MED13L: variants seen among roughly 807,000 people sequenced by gnomAD.
The protein encoded by MED13L is mediator complex subunit 13L.
MED13L carries 7 observed loss-of-function variants against 220.9 expected under a neutral mutation model. That is an observed-to-expected ratio of 0.03 (90% confidence interval 0.02 to 0.06). The LOEUF (loss-of-function observed/expected upper bound fraction) is 0.06. Among genes scored for constraint, MED13L ranks in the 10% least tolerant of loss-of-function variants. MED13L has a pLI of 1.00. For missense variants in MED13L, 1,965 were observed against 2,760.5 expected, an observed-to-expected ratio of 0.71 and a Z score of 6.46; for synonymous variants, 1,011 against 1,015.2, an observed-to-expected ratio of 1.00 and a Z score of 0.08.
At chr12:116,003,346 C>A (rs1471337683) in intron 13 of MED13L, among the ~76,000 whole-genome samples, 1 of 152,154 alleles carries the variant, frequency 6.6e-6, no homozygotes, top group East Asian at 1.9e-4. Context: ...GGAGAGCTTG[C>A]AGACCTTAAG....
chr12:116,271,064 AAAAG>A (rs1166774866), intron 1 of MED13L, among the ~76,000 whole-genome samples: 4 of 150,388 alleles, frequency 2.7e-5, no homozygotes, highest in Admixed American at 6.6e-5. Flanking sequence ...AAAAAAAAAA[AAAAG>A]AAAGAAAATT....
intron 4 of MED13L, among the ~76,000 whole-genome samples, chr12:116,031,521 G>A (rs933654018): frequency 4.0e-5 from 6 of 149,804 alleles, no homozygotes; most frequent in African/African-American, 2.5e-5. Flanking sequence ...GAACACAGGA[G>A]GTGGAGCTTG....
intron 4 of MED13L, among the ~76,000 whole-genome samples, chr12:116,062,974 C>T (rs1869629975): frequency 6.6e-6 from 1 of 152,234 alleles, no homozygotes; most frequent in African/African-American, 2.4e-5. Context: ...TTCCAAAATA[C>T]TGGCTCTTCC....
intron 2 of MED13L, among the ~76,000 whole-genome samples, chr12:116,221,318 G>A (rs545088807): frequency 1.4e-4 from 21 of 150,946 alleles, no homozygotes; most frequent in African/African-American, 5.1e-4. Context: ...AGATTGCAGT[G>A]AGCTGTGATC....
rs1213926938 is a variant in MED13L, at chr12:116,237,618, C to T, written c.160G>A (p.Asp54Asn). The change falls in exon 2 of 31, where the codon GAT becomes AAT. Residue 54 changes from aspartate (D) to asparagine (N), a missense_variant. By Grantham distance (23) the Asp-to-Asn change is conservative. Transcript: ENST00000281928. ...GPIISAPAQD[D>N]PILLSFIRCL... is the part of the protein sequence containing the mutation. ...CGGATGAAACTTAACAGAATTGGAT[C>T]ATCTTGGGCTGGGGCTGAAATTATG... 1 of 1,614,050 alleles carries T rather than the reference C, an allele frequency of 6.2e-7. No homozygotes were observed. Among genetic ancestry groups the T allele is most frequent in the Non-Finnish European group, 8.5e-7 (1 of 1,180,048 alleles).
intron 2 of MED13L, among the ~76,000 whole-genome samples, chr12:116,129,990 A>G (rs187263561): frequency 1.3e-5 from 2 of 152,294 alleles, no homozygotes; most frequent in Admixed American, 6.5e-5. Context: ...GTAGTCACCA[A>G]AACTTCAAAG....
At chr12:116,236,145 C>G (rs1355549879) in intron 2 of MED13L, among the ~76,000 whole-genome samples, 1 of 152,104 alleles carries the variant, frequency 6.6e-6, no homozygotes, top group Non-Finnish European at 1.5e-5. Flanking sequence ...AAGTTAACTG[C>G]TAACTACATA....
chr12:116,241,332 CAA>C (rs200027979), intron 1 of MED13L, among the ~76,000 whole-genome samples: 147 of 145,394 alleles, frequency 1.0e-3, no homozygotes, highest in African/African-American at 3.2e-3. Flanking sequence ...AACAAAAAAA[CAA>C]AAAAAAAACA....
At chr12:116,218,061 A>G (rs1394943018) in intron 2 of MED13L, among the ~76,000 whole-genome samples, 2 of 152,210 alleles carry the variant, frequency 1.3e-5, no homozygotes, top group Non-Finnish European at 2.9e-5. Context: ...TCCTCCAAGT[A>G]TAAGAGATTC....
At chr12:116,200,605 G>C (rs1354185128) in intron 2 of MED13L, among the ~76,000 whole-genome samples, 1 of 152,106 alleles carries the variant, frequency 6.6e-6, no homozygotes. Context: ...TCCTCAATGA[G>C]CCTACACCCC....
At chr12:116,117,535 T>C (rs1251637848) in intron 2 of MED13L, among the ~76,000 whole-genome samples, 2 of 152,126 alleles carry the variant, frequency 1.3e-5, no homozygotes, top group East Asian at 1.9e-4. Context: ...AATATGCTAA[T>C]ATTGACCTCT....
At chr12:116,236,516 A>C (rs535618967) in intron 2 of MED13L, among the ~76,000 whole-genome samples, 8 of 152,080 alleles carry the variant, frequency 5.3e-5, no homozygotes, top group African/African-American at 1.9e-4. Context: ...TAAAAAAAAA[A>C]AACATTAAAA....
chr12:115,986,164 C>T (rs2137285988), intron 19 of MED13L, 102 bp downstream of exon 19: 1 of 1,281,628 alleles, frequency 7.8e-7, no homozygotes, highest in East Asian at 2.4e-5. Context: ...CAAATTTTCT[C>T]TGAGATTTAC....
At chr12:116,213,114 G>T (rs1163679446) in intron 2 of MED13L, among the ~76,000 whole-genome samples, 2 of 151,610 alleles carry the variant, frequency 1.3e-5, no homozygotes, top group Admixed American at 1.3e-4. Flanking sequence ...ACGGCTTGAT[G>T]AACTTCTACA....
chr12:116,158,560 C>G (rs974239153), intron 2 of MED13L, among the ~76,000 whole-genome samples: 5 of 152,072 alleles, frequency 3.3e-5, no homozygotes, highest in Non-Finnish European at 7.4e-5. Flanking sequence ...CTCTAAGAAT[C>G]TGAAAGAGAA....
At chr12:115,968,507 T>C (rs909002335) in intron 28 of MED13L, among the ~76,000 whole-genome samples, 3 of 152,224 alleles carry the variant, frequency 2.0e-5, no homozygotes, top group African/African-American at 7.2e-5. Context: ...GGCAGGCTCC[T>C]TTCAGAACAA....
At chr12:116,055,187 T>A (rs1229315440) in intron 4 of MED13L, among the ~76,000 whole-genome samples, 2 of 152,076 alleles carry the variant, frequency 1.3e-5, no homozygotes, top group African/African-American at 4.8e-5. Flanking sequence ...GCATAAGGGG[T>A]GCTTCTAAGA....
intron 2 of MED13L, among the ~76,000 whole-genome samples, chr12:116,124,275 A>AC (rs1488044008): frequency 6.6e-6 from 1 of 152,270 alleles, no homozygotes; most frequent in East Asian, 1.9e-4. Context: ...CCTGATGGGT[A>AC]CCTTGGCTTT....
At chr12:116,162,111 T>C (rs529118935) in intron 2 of MED13L, among the ~76,000 whole-genome samples, 40 of 152,282 alleles carry the variant, frequency 2.6e-4, no homozygotes, top group South Asian at 2.5e-3. Context: ...AGAAAGCAGA[T>C]AGATCCCAAA....
Sources: allele counts gnomAD v4.1 joint callset (sites outside exome capture counted in the v4.1 genomes callset), GRCh38; gene constraint gnomAD v4.1.1; transcripts MANE v1.5; gene names NCBI Gene and HGNC (gene_info 2026-07-23, HGNC 2026-07-21).